Variants in CRYBG1 observed in about 807,000 individuals in gnomAD.
The protein encoded by CRYBG1 is crystallin beta-gamma domain containing 1.
CRYBG1 carries 139 observed loss-of-function variants against 189.2 expected under a neutral mutation model. The ratio of observed to expected loss-of-function variants is 0.73; its 90% CI spans 0.64 to 0.85. The LOEUF is 0.85. Ranked by LOEUF, CRYBG1 falls within the 40% of genes least tolerant of loss-of-function variation. The probability of loss-of-function intolerance (pLI) is 0.00; values close to 1 mark genes in which losing one functional copy is unlikely to be tolerated. For missense variants in CRYBG1, 2,611 were observed against 2,675.8 expected (o/e 0.98, Z 0.53); for synonymous variants, 1,023 against 1,017.1 (o/e 1.01, Z -0.11).
chr6:106,457,352 A>G (rs1001059550), intron 2 of CRYBG1: 2 of 152,214 alleles, frequency 1.3e-5, no homozygotes, highest in African/African-American at 4.8e-5. Flanking sequence ...TTATTAACCC[A>G]TTAACTCATT....
chr6:106,435,916 A>C (rs1771444175), intron 1 of CRYBG1, among the ~76,000 whole-genome samples: 1 of 152,180 alleles, frequency 6.6e-6, no homozygotes, highest in South Asian at 2.1e-4. Context: ...CCAAGAAAAA[A>C]TTAGTGAAGT....
chr6:106,398,658 T>G (rs1311864233), intron 1 of CRYBG1, among the ~76,000 whole-genome samples: 1 of 152,200 alleles, frequency 6.6e-6, no homozygotes, highest in African/African-American at 2.4e-5. Flanking sequence ...TATTCATTCA[T>G]TTCCTTCTCC....
intron 2 of CRYBG1, among the ~76,000 whole-genome samples, chr6:106,486,617 A>G (rs1252302329): frequency 1.3e-5 from 2 of 152,140 alleles, no homozygotes; most frequent in African/African-American, 2.4e-5. Context: ...TATTGGATAT[A>G]TATATATTTA....
chr6:106,399,764 C>T (rs1770686720), intron 1 of CRYBG1, among the ~76,000 whole-genome samples: 1 of 151,712 alleles, frequency 6.6e-6, no homozygotes, highest in African/African-American at 2.4e-5. Context: ...TCAAGGCATC[C>T]TGCCACCTCA....
intron 1 of CRYBG1, among the ~76,000 whole-genome samples, chr6:106,364,404 A>G (rs1398493779): frequency 6.6e-6 from 1 of 152,136 alleles, no homozygotes; most frequent in Non-Finnish European, 1.5e-5. Flanking sequence ...AGATTTTCGT[A>G]TTCTGCAAAT....
At chr6:106,516,087 A>T (rs1773412423) in intron 3 of CRYBG1, among the ~76,000 whole-genome samples, 1 of 152,046 alleles carries the variant, frequency 6.6e-6, no homozygotes, top group South Asian at 2.1e-4. Context: ...CACTGATCCC[A>T]GCCTCAAATT....
rs115209474 is a variant in CRYBG1, at chr6:106,369,485, T to G, written c.173+8404T>G. 6.7e-3 allele frequency among the ~76,000 whole-genome samples: 1,027 copies of G among 152,330 alleles called. 14 individuals carry two copies. The highest frequency in any genetic ancestry group is 0.023 in the African/African-American group (971 of 41,574). ...AATATCGACAGCTCAAATATGAGAT[T>G]TGGCCAACAGTTACATAAAGTCACC... On this transcript the variant is annotated intron_variant, in intron 1 of 21. Transcript: ENST00000633556.
At chr6:106,463,923 A>G (rs1772062634) in intron 2 of CRYBG1, among the ~76,000 whole-genome samples, 1 of 152,236 alleles carries the variant, frequency 6.6e-6, no homozygotes, top group African/African-American at 2.4e-5. Context: ...TTGGTTAATT[A>G]TCAGTTACCA....
At chr6:106,436,515 C>T (rs1029378390) in intron 1 of CRYBG1, among the ~76,000 whole-genome samples, 2 of 152,100 alleles carry the variant, frequency 1.3e-5, no homozygotes. Context: ...AGGATGGTCT[C>T]GATCTCCTGA....
intron 8 of CRYBG1, among the ~76,000 whole-genome samples, chr6:106,535,398 C>T (rs1773980189): frequency 6.6e-6 from 1 of 152,142 alleles, no homozygotes; most frequent in South Asian, 2.1e-4. Context: ...TCACTTTGAC[C>T]CAATAATTGT....
At chr6:106,557,454 G>T (rs534652007) in intron 17 of CRYBG1, among the ~76,000 whole-genome samples, 42 of 151,554 alleles carry the variant, frequency 2.8e-4, no homozygotes, top group African/African-American at 9.7e-4. Context: ...GCCCAGGCTG[G>T]AGTGCAGTGG....
chr6:106,495,385 T>C (rs1741467204), intron 2 of CRYBG1, among the ~76,000 whole-genome samples: 1 of 152,140 alleles, frequency 6.6e-6, no homozygotes, highest in Non-Finnish European at 1.5e-5. Flanking sequence ...GGTGTATCTA[T>C]AGAAAACAAA....
rs551604706 is a variant in CRYBG1 at position 106,483,310 on chromosome 6, C to T, written c.313-28120C>T. ...TATCTTCTGGGTCCATCCATATTGC[C>T]TCAAATGACAGGATTTCATTCTTTT... On this transcript the variant is annotated intron_variant, in intron 2 of 21. Transcript: ENST00000633556. Among the ~76,000 whole-genome samples the T allele has an allele frequency of 6.6e-5, 10 of 150,588 alleles. No homozygotes were observed. The East Asian group carries it at 1.4e-3, about 21-fold the overall frequency.
chr6:106,417,870 G>A lies in CRYBG1; in HGVS notation c.174-33824G>A, dbSNP rs116958516. 8.3e-3 allele frequency among the ~76,000 whole-genome samples: 1,263 copies of A among 152,374 alleles called. 11 individuals are homozygous for A. The highest frequency in any genetic ancestry group is 0.013 in the Non-Finnish European group (888 of 68,042). On this transcript the variant is annotated intron_variant, in intron 1 of 21. Transcript: ENST00000633556. ...CCTGCAACTCTGAAGCCCCAGAAGG[G>A]ATGTTAGTGTGCTAATGAGCTCTTT...
chr6:106,427,354 G>C (rs1771245758), intron 1 of CRYBG1, among the ~76,000 whole-genome samples: 1 of 152,140 alleles, frequency 6.6e-6, no homozygotes, highest in African/African-American at 2.4e-5. Flanking sequence ...CCCAAGACCT[G>C]CTCCTTCCTG....
At chr6:106,552,133 A>C in intron 14 of CRYBG1, 51 bp from the exon 15 acceptor site, 1 of 1,519,480 alleles carries the variant, frequency 6.6e-7, no homozygotes, top group Non-Finnish European at 9.0e-7. Flanking sequence ...AAACTTTTTC[A>C]ATGTGTTTGT....
intron 6 of CRYBG1, among the ~76,000 whole-genome samples, chr6:106,527,015 C>T (rs952956782): frequency 1.4e-5 from 2 of 145,630 alleles, no homozygotes; most frequent in African/African-American, 5.1e-5. Context: ...GACATATTAT[C>T]ATAAGTCTCT....
intron 1 of CRYBG1, among the ~76,000 whole-genome samples, chr6:106,433,829 A>C (rs1771399390): frequency 6.7e-6 from 1 of 148,542 alleles, no homozygotes. Flanking sequence ...ATATATATGC[A>C]GTAGTAGTGG....
At chr6:106,541,055 C>T (rs1418824008) in intron 9 of CRYBG1, 2 of 284,752 alleles carry the variant, frequency 7.0e-6, no homozygotes, top group Non-Finnish European at 1.4e-5. Flanking sequence ...ATTATGTGAA[C>T]TTCAACACAT....
Sources: gnomAD v4.1 joint callset for allele counts (sites outside exome capture counted in the v4.1 genomes callset) on GRCh38, gnomAD v4.1.1 for gene constraint, MANE v1.5 for transcripts, NCBI Gene and HGNC (gene_info 2026-07-23, HGNC 2026-07-21) for gene names.